Variants in DMD observed in about 807,000 individuals in gnomAD.
The protein encoded by DMD is mutant dystrophin.
In DMD, 63 loss-of-function variants were observed where a neutral mutation model predicts 330.1. That is an observed-to-expected ratio of 0.19 (90% confidence interval 0.16 to 0.24). The LOEUF is 0.24. DMD is among the 10% of genes least tolerant of loss of function. The pLI, the probability that DMD is intolerant of heterozygous loss-of-function variation, is 1.00. For missense variants in DMD, 3,344 were observed against 2,684.1 expected (o/e 1.25, Z -5.43); for synonymous variants, 1,223 against 959.8 (o/e 1.27, Z -5.07).
chrX:31,707,543 G>T (rs1248858130), intron 52 of DMD, among the ~76,000 whole-genome samples: 1 of 110,471 alleles, frequency 9.1e-6, no homozygotes, highest in Non-Finnish European at 1.9e-5. Context: ...GATGGGATCC[G>T]TACTCCAAAC....
chrX:33,302,792 A>G, intron 1 of DMD, among the ~76,000 whole-genome samples: 1 of 111,554 alleles, frequency 9.0e-6, no homozygotes, highest in East Asian at 2.8e-4. Context: ...CCAAAATTCC[A>G]TAGTTAAGAG....
rs150349605 is a variant in DMD, at chrX:32,116,352, T to C, written c.6438+100564A>G. 8.2e-3 allele frequency among the ~76,000 whole-genome samples: 918 copies of C among 112,381 alleles called. 12 individuals are homozygous for C. The highest frequency in any genetic ancestry group is 0.028 in the African/African-American group (873 of 30,921). On this transcript the variant is annotated intron_variant, in intron 44 of 78. Transcript: ENST00000357033. The stretch of plus-strand genomic sequence containing the variant: ...TAACCAGCTTTATTTCCAATATGGA[T>C]CACTATCTGAAATCATATGTGTATG...
At chrX:31,686,223 T>C (rs1423486615) in intron 52 of DMD, among the ~76,000 whole-genome samples, 1 of 112,735 alleles carries the variant, frequency 8.9e-6, no homozygotes, top group African/African-American at 3.2e-5. Flanking sequence ...GCATTTGGAA[T>C]ACCTTCAATA....
At chrX:31,650,436 C>T (rs182231529) in intron 54 of DMD, among the ~76,000 whole-genome samples, 1 of 111,080 alleles carries the variant, frequency 9.0e-6, no homozygotes, top group Admixed American at 9.6e-5. Flanking sequence ...ATTCAGTGCC[C>T]AACATCTGAT....
chrX:32,459,165 CA>C (rs1402072279), intron 25 of DMD, among the ~76,000 whole-genome samples: 3 of 109,933 alleles, frequency 2.7e-5, no homozygotes, highest in Admixed American at 1.9e-4. Flanking sequence ...GCTCTTATCA[CA>C]AAACAAAAAA....
intron 55 of DMD, among the ~76,000 whole-genome samples, chrX:31,564,115 G>T (rs2075343329): frequency 9.0e-6 from 1 of 110,943 alleles, no homozygotes; most frequent in Non-Finnish European, 1.9e-5. Context: ...GAAACTAGGG[G>T]AATGGAATGG....
At chrX:31,973,655 T>C (rs2095415942) in intron 44 of DMD, among the ~76,000 whole-genome samples, 1 of 111,248 alleles carries the variant, frequency 9.0e-6, no homozygotes, top group Non-Finnish European at 1.9e-5. Flanking sequence ...TACTGTTAAG[T>C]TGTATAGGAC....
At chrX:31,698,083 T>C (rs772146613) in intron 52 of DMD, among the ~76,000 whole-genome samples, 163 of 112,359 alleles carry the variant, frequency 1.5e-3, no homozygotes, top group African/African-American at 5.2e-3. Flanking sequence ...ATTATAGTTA[T>C]CAACAAACAT....
chrX:31,309,406 C>T (rs1286175174), intron 62 of DMD, among the ~76,000 whole-genome samples: 1 of 111,973 alleles, frequency 8.9e-6, no homozygotes, highest in East Asian at 2.8e-4. Flanking sequence ...ATATCACTTC[C>T]TAGTCCTGAC....
chrX:32,343,500 TTAAAG>T (rs1251199581), intron 39 of DMD, among the ~76,000 whole-genome samples: 4 of 111,961 alleles, frequency 3.6e-5, no homozygotes, highest in African/African-American at 1.3e-4. Context: ...AATAACACAC[TTAAAG>T]TATTTTCTCT....
intron 63 of DMD, among the ~76,000 whole-genome samples, chrX:31,228,771 T>C (rs2046925835): frequency 8.9e-6 from 1 of 112,036 alleles, no homozygotes; most frequent in Admixed American, 9.5e-5. Context: ...AGTGAGACTA[T>C]CCAAGAAACC....
chrX:32,306,375 A>G (rs1226797099), intron 42 of DMD, among the ~76,000 whole-genome samples: 1 of 111,048 alleles, frequency 9.0e-6, no homozygotes, highest in Non-Finnish European at 1.9e-5. Context: ...TTTGGCTTAT[A>G]AGCTCACTAC....
intron 1 of DMD, among the ~76,000 whole-genome samples, chrX:33,233,805 G>C (rs996549759): frequency 9.0e-6 from 1 of 111,507 alleles, no homozygotes; most frequent in Non-Finnish European, 1.9e-5. Flanking sequence ...CATGAGTATA[G>C]GTAAAACTGG....
At chrX:33,119,662 G>A (rs1434590617) in intron 1 of DMD, among the ~76,000 whole-genome samples, 2 of 111,327 alleles carry the variant, frequency 1.8e-5, no homozygotes, top group Non-Finnish European at 3.8e-5. Flanking sequence ...GATATTGGAC[G>A]CATCAGAGCA....
chrX:31,664,022 T>C (rs1481521725), intron 53 of DMD, among the ~76,000 whole-genome samples: 1 of 111,764 alleles, frequency 8.9e-6, no homozygotes, highest in African/African-American at 3.3e-5. Context: ...CTTTGCTAAG[T>C]AACTCTGAAA....
At chrX:32,839,549 T>G (rs940625046) in intron 4 of DMD, among the ~76,000 whole-genome samples, 3 of 111,848 alleles carry the variant, frequency 2.7e-5, no homozygotes, top group Non-Finnish European at 3.8e-5. Flanking sequence ...TTCTTCAATG[T>G]GATTATTTAT....
chrX:32,335,476 A>C (rs1247015803), intron 41 of DMD, among the ~76,000 whole-genome samples: 2 of 96,933 alleles, frequency 2.1e-5, no homozygotes, highest in African/African-American at 7.1e-5. Flanking sequence ...TATAACATGT[A>C]TTTATAACAT....
At chrX:32,952,544 C>T (rs910945513) in intron 2 of DMD, among the ~76,000 whole-genome samples, 8 of 111,204 alleles carry the variant, frequency 7.2e-5, no homozygotes, top group Non-Finnish European at 1.1e-4. Context: ...ATCACAGTCT[C>T]GTGGGAGGTG....
At chrX:32,435,376 G>A (rs1386696504) in intron 29 of DMD, among the ~76,000 whole-genome samples, 1 of 104,455 alleles carries the variant, frequency 9.6e-6, no homozygotes, top group African/African-American at 3.4e-5. Context: ...TAAAAAGGCT[G>A]ATCATGTATT....
Sources: allele counts gnomAD v4.1 joint callset (sites outside exome capture counted in the v4.1 genomes callset), GRCh38; gene constraint gnomAD v4.1.1; transcripts MANE v1.5; gene names NCBI Gene and HGNC (gene_info 2026-07-23, HGNC 2026-07-21).